PKNOX2: variants seen among roughly 807,000 people sequenced by gnomAD.
PKNOX2 encodes homeobox protein PKNOX2.
Under a neutral mutation model 53.1 loss-of-function variants are expected in PKNOX2, and 14 were observed. That is an observed-to-expected ratio of 0.26 (90% CI 0.17 to 0.41). PKNOX2 has a LOEUF of 0.41. Ranked by LOEUF, PKNOX2 falls within the 10% of genes least tolerant of loss-of-function variation. PKNOX2 has a pLI of 1.00. For missense variants in PKNOX2, 496 were observed against 602.8 expected, an observed-to-expected ratio of 0.82 and a Z score of 1.85; for synonymous variants, 257 against 242.8, an observed-to-expected ratio of 1.06 and a Z score of -0.54.
chr11:125,409,351 C>G (rs976679382), intron 7 of PKNOX2, among the ~76,000 whole-genome samples: 9 of 152,098 alleles, frequency 5.9e-5, no homozygotes, highest in African/African-American at 2.2e-4. Flanking sequence ...TGGGCTAACG[C>G]AAAGAAAAGC....
In PKNOX2 at chr11:125,165,862, G is replaced by C. The variant is rs1387556744; in HGVS notation, c.-201+1086G>C. On this transcript the variant is annotated intron_variant, in intron 1 of 12. Transcript: ENST00000298282. This position sits in a 1 kb window ranked among gnomAD's most constrained non-coding sequence, Gnocchi z 4.5. ...GATGGCGCAGGATCCCGAATCTGCC[G>C]CTCAAAGTTTGCATTTCTTTCGGGT... 2.0e-5 allele frequency among the ~76,000 whole-genome samples: 3 copies of C among 152,186 alleles called. No individual in the cohort carries two copies. In the East Asian group the frequency reaches 5.8e-4, roughly 29 times the overall value.
At chr11:125,219,432 C>T (rs1240225125) in intron 1 of PKNOX2, among the ~76,000 whole-genome samples, 2 of 147,128 alleles carry the variant, frequency 1.4e-5, no homozygotes, top group East Asian at 2.0e-4. Context: ...GAGTGAAACT[C>T]TATCTCAAAA....
chr11:125,182,904 T>A (rs1055812654), intron 1 of PKNOX2, among the ~76,000 whole-genome samples: 1 of 152,196 alleles, frequency 6.6e-6, no homozygotes, highest in Non-Finnish European at 1.5e-5. Flanking sequence ...TAAGTGTGTC[T>A]TTTTCCCCTT....
intron 2 of PKNOX2, among the ~76,000 whole-genome samples, chr11:125,304,334 G>T (rs138344968): frequency 2.6e-4 from 40 of 152,372 alleles, no homozygotes; most frequent in African/African-American, 8.4e-4. Context: ...GTCTATAAAC[G>T]GCCTGCCTGC....
intron 5 of PKNOX2, among the ~76,000 whole-genome samples, chr11:125,374,277 G>A (rs998448737): frequency 2.0e-5 from 3 of 152,090 alleles, no homozygotes; most frequent in African/African-American, 7.2e-5. Flanking sequence ...GTTAGGACCG[G>A]ATGCTTCGTG....
At chr11:125,316,757 G>A (rs1028395191) in intron 2 of PKNOX2, among the ~76,000 whole-genome samples, 1 of 152,202 alleles carries the variant, frequency 6.6e-6, no homozygotes, top group Non-Finnish European at 1.5e-5. Context: ...CTGCTGGAGG[G>A]TTTTGCCTCA....
chr11:125,165,595 AG>A lies in PKNOX2; in HGVS notation c.-201+823del, dbSNP rs1440456570. ...GGTTTGCAGACGGATCAGTGGAGAC[AG>A]GGGAACACCGGCGGGGCCCGGGAAG... On this transcript the variant is annotated intron_variant, in intron 1 of 12. Transcript: ENST00000298282. The surrounding 1 kb of genome is among the most constrained non-coding windows in gnomAD (Gnocchi z 4.5). Among the ~76,000 whole-genome samples, 2 of 152,254 alleles carry A rather than the reference AG, an allele frequency of 1.3e-5. No homozygotes were observed. The highest frequency in any genetic ancestry group is 2.1e-4 in the South Asian group (1 of 4,824).
rs1278873676 is a variant in PKNOX2, at chr11:125,410,404, T to C, written c.718+79T>C. The C allele has an allele frequency of 8.8e-6, 14 of 1,581,960 alleles. No individual in the cohort carries two copies. In the South Asian group the frequency reaches 1.5e-4, roughly 17 times the overall value. On this transcript the variant is annotated intron_variant, in intron 8 of 12. Coordinates refer to ENST00000298282, the MANE Select transcript of PKNOX2 (RefSeq NM_001382323.2). ...GGTGGCCCCGAGGCGGTTCCAGGGG[T>C]GGGGGTTGTCCTCCACCGAGGGAGG...
intron 1 of PKNOX2, among the ~76,000 whole-genome samples, chr11:125,218,405 G>GA (rs1940773703): frequency 1.3e-5 from 2 of 150,174 alleles, no homozygotes; most frequent in African/African-American, 4.9e-5. Flanking sequence ...GCGTGGCAGT[G>GA]ATGGGGGGGG....
chr11:125,410,909 G>A, intron 9 of PKNOX2, 33 bp downstream of exon 9: 1 of 1,580,998 alleles, frequency 6.3e-7, no homozygotes, highest in South Asian at 1.1e-5. Flanking sequence ...ACATGTGCAT[G>A]GTGTGGGCTA....
chr11:125,282,028 G>A (rs1032192582), intron 2 of PKNOX2, among the ~76,000 whole-genome samples: 7 of 152,170 alleles, frequency 4.6e-5, no homozygotes, highest in Non-Finnish European at 7.3e-5. Context: ...CTGCTGCCAC[G>A]CCAGTGCTGT....
Position 125,286,118 on chromosome 11 carries a change from C to A in PKNOX2, c.-129-45701C>A, listed in dbSNP as rs961813738. On this transcript the variant is annotated intron_variant, in intron 2 of 12. Coordinates refer to ENST00000298282, the MANE Select transcript of PKNOX2 (RefSeq NM_001382323.2). ...AGAAAGGCCCCAGCTCAGGGTGGAA[C>A]ACAGAGTGCACACTCCGTTCATGAC... 2.6e-5 allele frequency among the ~76,000 whole-genome samples: 4 copies of A among 152,296 alleles called. No homozygotes were observed. The East Asian group carries it at 5.8e-4, about 22-fold the overall frequency.
At chr11:125,172,481 G>A (rs1048892219) in intron 1 of PKNOX2, among the ~76,000 whole-genome samples, 2 of 152,190 alleles carry the variant, frequency 1.3e-5, no homozygotes, top group Non-Finnish European at 2.9e-5. Flanking sequence ...GAAGCTGATT[G>A]ATATCAGGGT....
At chr11:125,260,663 G>T (rs528661172) in intron 2 of PKNOX2, among the ~76,000 whole-genome samples, 47 of 152,286 alleles carry the variant, frequency 3.1e-4, no homozygotes, top group Non-Finnish European at 5.9e-4. Flanking sequence ...CCTAGTAGCT[G>T]CAGGCTTTCG....
At chr11:125,347,158 G>A (rs1192986695) in intron 3 of PKNOX2, among the ~76,000 whole-genome samples, 7 of 152,124 alleles carry the variant, frequency 4.6e-5, no homozygotes, top group Admixed American at 3.3e-4. Context: ...CATGGGCCCC[G>A]TCTCCAGTTT....
intron 1 of PKNOX2, among the ~76,000 whole-genome samples, chr11:125,169,349 G>A (rs1591467011): frequency 6.6e-6 from 1 of 152,340 alleles, no homozygotes; most frequent in Non-Finnish European, 1.5e-5. Flanking sequence ...AGAATTTAGA[G>A]GGAGGAGCTC....
chr11:125,204,213 G>A (rs1479349281), intron 1 of PKNOX2, among the ~76,000 whole-genome samples: 2 of 152,208 alleles, frequency 1.3e-5, no homozygotes, highest in Admixed American at 1.3e-4. Context: ...TCATGGCTTG[G>A]TGGCAAGTTG....
chr11:125,317,863 T>C (rs1180951345), intron 2 of PKNOX2, among the ~76,000 whole-genome samples: 2 of 152,218 alleles, frequency 1.3e-5, no homozygotes, highest in Non-Finnish European at 2.9e-5. Context: ...AGACATTGAC[T>C]TCTCCTTTCT....
intron 10 of PKNOX2, among the ~76,000 whole-genome samples, chr11:125,416,153 A>C (rs1323737793): frequency 6.6e-6 from 1 of 151,404 alleles, no homozygotes; most frequent in African/African-American, 2.4e-5. Context: ...AATACAAAAA[A>C]TTAGCCGGGC....
Sources: allele counts gnomAD v4.1 joint callset (sites outside exome capture counted in the v4.1 genomes callset), GRCh38; gene constraint gnomAD v4.1.1; non-coding constraint Gnocchi (gnomAD v3.1); transcripts MANE v1.5; gene names NCBI Gene and HGNC (gene_info 2026-07-23, HGNC 2026-07-21).